The following ARID4B variants were observed in gnomAD, a reference collection of about 807,000 sequenced individuals.
ARID4B encodes the protein AT-rich interaction domain 4B.
In ARID4B, 26 loss-of-function variants were observed where a neutral mutation model predicts 147.5. The ratio of observed to expected loss-of-function variants is 0.18; its 90% CI spans 0.13 to 0.24. The LOEUF (loss-of-function observed/expected upper bound fraction) is 0.24, where lower values mean the gene tolerates loss of function less well. Among genes scored for constraint, ARID4B ranks in the 10% least tolerant of loss-of-function variants. The pLI is 1.00. For synonymous variants in ARID4B, 512 were observed against 507.9 expected (o/e 1.01, Z -0.11); for missense variants, 1,179 against 1,511.5 (o/e 0.78, Z 3.65).
intron 12 of ARID4B, 102 bp downstream of exon 12, chr1:235,224,601 C>T: frequency 1.3e-6 from 1 of 782,182 alleles, no homozygotes; most frequent in Non-Finnish European, 2.1e-6. Flanking sequence ...GCCATAATTA[C>T]TGATGACATA....
intron 22 of ARID4B, among the ~76,000 whole-genome samples, chr1:235,173,321 G>A (rs1330588956): frequency 6.6e-6 from 1 of 152,118 alleles, no homozygotes; most frequent in Non-Finnish European, 1.5e-5. Flanking sequence ...GCTAGCCTGG[G>A]CAACAGAGTG....
chr1:235,193,388 C>A (rs957000005), intron 19 of ARID4B, among the ~76,000 whole-genome samples: 1 of 152,128 alleles, frequency 6.6e-6, no homozygotes, highest in Non-Finnish European at 1.5e-5. Flanking sequence ...CAGAGTGAGA[C>A]CCTGTCTCAA....
At position 235,182,726 on chromosome 1, in the gene ARID4B, A is replaced by G. The variant is rs142788986; in HGVS notation, c.2193T>C (p.Asn731=). 17 of 1,613,090 alleles carry G rather than the reference A, an allele frequency of 1.1e-5. No individual in the cohort carries two copies. In the Admixed American group the frequency reaches 1.8e-4, roughly 17 times the overall value. Residue 731 remains asparagine (N), a synonymous_variant, in exon 20 of 24, where the codon AAT becomes AAC. Coordinates refer to ENST00000264183, the MANE Select transcript of ARID4B (RefSeq NM_016374.6). ...DERGAQDMDN[N]GKEESKIDHL... ...GATCAATCTTAGATTCCTCTTTGCCATTATTATCCATGTCTTGAGCACCTC... is the reference window on the plus strand; with the variant it reads ...GATCAATCTTAGATTCCTCTTTGCCGTTATTATCCATGTCTTGAGCACCTC...
intron 11 of ARID4B, among the ~76,000 whole-genome samples, chr1:235,226,204 C>T (rs1667815637): frequency 6.6e-6 from 1 of 152,172 alleles, no homozygotes; most frequent in Non-Finnish European, 1.5e-5. Context: ...TATTTATCAT[C>T]TGTTATATTT....
intron 2 of ARID4B, among the ~76,000 whole-genome samples, chr1:235,275,061 C>T (rs1028838002): frequency 6.6e-6 from 1 of 151,946 alleles, no homozygotes; most frequent in Non-Finnish European, 1.5e-5. Context: ...AATGACTATG[C>T]ACATATGAGG....
chr1:235,189,050 G>A (rs55969096), intron 19 of ARID4B, among the ~76,000 whole-genome samples: 64,570 of 151,864 alleles, frequency 0.43, 14,360 homozygotes, highest in South Asian at 0.6. Flanking sequence ...GAACAGAGTG[G>A]TACAAAACAC....
rs1663061489 is a variant in ARID4B at position 235,167,832 on chromosome 1, A to G, written c.*693T>C. Reference sequence around the variant, plus strand: ...ACACAATGTATATCAAAATTAAAAAAAAATACTGATTTATAGAAAAATGGC... The same window carrying G: ...ACACAATGTATATCAAAATTAAAAAGAAATACTGATTTATAGAAAAATGGC... On this transcript the variant is annotated 3_prime_UTR_variant, in exon 24 of 24. Transcript: ENST00000264183. The G allele has an allele frequency of 5.1e-6, 1 of 195,614 alleles. No individual in the cohort carries two copies. Among genetic ancestry groups the G allele is most frequent in the Non-Finnish European group, 1.1e-5 (1 of 93,834 alleles). 12.1% of individuals were successfully genotyped at this position (195,614 alleles called of 1,614,324 possible). A position where few individuals can be genotyped will look rare whatever the true frequency, so the allele number is the denominator to read the frequency against.
rs549812171 is a variant in ARID4B at position 235,253,948 on chromosome 1, C to T, written c.275-1139G>A. 5.6e-4 allele frequency among the ~76,000 whole-genome samples: 86 copies of T among 152,270 alleles called. No individual in the cohort carries two copies. The Middle Eastern group carries it at 0.01, about 18-fold the overall frequency. ...GGTTAAAAGAAAGCCAATACCCTTT[C>T]CTTACTGGCTGAACTAAAATTAGAT... On this transcript the variant is annotated intron_variant, in intron 5 of 23. Transcript: ENST00000264183.
intron 6 of ARID4B, among the ~76,000 whole-genome samples, chr1:235,247,517 C>G (rs1243846960): frequency 6.6e-6 from 1 of 151,866 alleles, no homozygotes; most frequent in Admixed American, 6.6e-5. Flanking sequence ...TAACAACGAA[C>G]AGTATGATCA....
rs1669730213 is a variant in ARID4B at position 235,252,877 on chromosome 1, T to C, written c.275-68A>G. On this transcript the variant is annotated intron_variant, in intron 5 of 23. Coordinates refer to ENST00000264183, the MANE Select transcript of ARID4B (RefSeq NM_016374.6). ...CAAAGATCAAAGAGATGACATGTAT[T>C]ACAATTTTCTGAGTGCAAACAGATC... 4 of 1,318,752 alleles carry C rather than the reference T, an allele frequency of 3.0e-6. No individual in the cohort carries two copies. In the East Asian group the frequency reaches 9.5e-5, roughly 31 times the overall value. The allele number at this position is 1,318,752 out of a possible 1,614,324, so 81.7% of individuals were successfully genotyped here.
chr1:235,216,310 TACAC>T (rs71576467), intron 16 of ARID4B, among the ~76,000 whole-genome samples: 329 of 149,306 alleles, frequency 2.2e-3, no homozygotes, highest in Non-Finnish European at 2.7e-3. Flanking sequence ...TATATATGTA[TACAC>T]ACACACACAC....
chr1:235,261,396 C>T (rs573871177), intron 2 of ARID4B, among the ~76,000 whole-genome samples: 1 of 152,212 alleles, frequency 6.6e-6, no homozygotes, highest in Admixed American at 6.5e-5. Flanking sequence ...TGGTGCCATG[C>T]GCCTGTACTC....
chr1:235,269,400 CG>C (rs1160737007), intron 2 of ARID4B, among the ~76,000 whole-genome samples: 1 of 152,066 alleles, frequency 6.6e-6, no homozygotes, highest in East Asian at 1.9e-4. Context: ...AATTGTGCAA[CG>C]TTTTGCACTG....
chr1:235,302,153 G>GAAAA (rs749154889), intron 2 of ARID4B, among the ~76,000 whole-genome samples: 1,063 of 30,542 alleles, frequency 0.035, 39 homozygotes, highest in Middle Eastern at 0.067. Flanking sequence ...TCAAAAAACG[G>GAAAA]AAAAAAAAAA....
intron 2 of ARID4B, among the ~76,000 whole-genome samples, chr1:235,303,322 A>G (rs976638692): frequency 2.0e-5 from 3 of 152,110 alleles, no homozygotes; most frequent in African/African-American, 7.2e-5. Flanking sequence ...CCCAAAACAA[A>G]TATTTTCCAG....
intron 17 of ARID4B, among the ~76,000 whole-genome samples, chr1:235,209,608 G>C (rs1666576242): frequency 6.9e-6 from 1 of 145,324 alleles, no homozygotes; most frequent in Non-Finnish European, 1.5e-5. Flanking sequence ...CTGTCACCCA[G>C]GCTGGAGTGC....
At chr1:235,174,256 G>A (rs1162822658) in intron 22 of ARID4B, among the ~76,000 whole-genome samples, 1 of 151,736 alleles carries the variant, frequency 6.6e-6, no homozygotes, top group African/African-American at 2.4e-5. Context: ...GGTCAGGCTG[G>A]TCTCGAACTC....
intron 7 of ARID4B, among the ~76,000 whole-genome samples, chr1:235,245,646 T>A (rs929733466): frequency 6.6e-5 from 10 of 152,230 alleles, no homozygotes; most frequent in East Asian, 1.9e-4. Flanking sequence ...TATATATACA[T>A]GTAAACACAT....
chr1:235,298,553 T>C (rs962734310), intron 2 of ARID4B, among the ~76,000 whole-genome samples: 25 of 147,862 alleles, frequency 1.7e-4, no homozygotes, highest in East Asian at 1.4e-3. Context: ...ATGAATACAA[T>C]GTATATTTAT....
Sources: allele counts gnomAD v4.1 joint callset (sites outside exome capture counted in the v4.1 genomes callset), GRCh38; gene constraint gnomAD v4.1.1; transcripts MANE v1.5; gene names NCBI Gene and HGNC (gene_info 2026-07-23, HGNC 2026-07-21).